LCLAT1: variants seen among roughly 807,000 people sequenced by gnomAD.
LCLAT1 encodes the protein 1-AGP acyltransferase 8.
Under a neutral mutation model 30.7 loss-of-function variants are expected in LCLAT1, and 11 were observed. That is an observed-to-expected ratio of 0.36 (90% CI 0.23 to 0.59). The LOEUF (loss-of-function observed/expected upper bound fraction) is 0.59. LCLAT1 is among the 20% of genes least tolerant of loss of function. The pLI, the probability that LCLAT1 is intolerant of heterozygous loss-of-function variation, is 0.77. For synonymous variants in LCLAT1, 155 were observed against 151.3 expected (o/e 1.02, Z -0.18); for missense variants, 402 against 458.6 (o/e 0.88, Z 1.13).
intron 1 of LCLAT1, among the ~76,000 whole-genome samples, chr2:30,474,356 C>T (rs191937636): frequency 3.7e-4 from 56 of 152,308 alleles, no homozygotes; most frequent in East Asian, 2.5e-3. Context: ...TGCTATAAAT[C>T]ATGCCTAGTT....
chr2:30,533,065 C>G (rs749357119), intron 2 of LCLAT1, 51 bp from the exon 3 acceptor site: 10 of 1,289,802 alleles, frequency 7.8e-6, no homozygotes, highest in Non-Finnish European at 1.1e-5. Context: ...TAAAATTTAC[C>G]TATGGAAAAT....
chr2:30,633,288 T>A (rs1668854846), intron 5 of LCLAT1, among the ~76,000 whole-genome samples: 1 of 152,216 alleles, frequency 6.6e-6, no homozygotes, highest in Non-Finnish European at 1.5e-5. Context: ...GCTACTTAAC[T>A]CAAAACTCTA....
chr2:30,488,296 C>G (rs1180037653), intron 1 of LCLAT1, among the ~76,000 whole-genome samples: 1 of 152,208 alleles, frequency 6.6e-6, no homozygotes, highest in African/African-American at 2.4e-5. Flanking sequence ...AAATTTCCAA[C>G]ACTAAAATTT....
intron 3 of LCLAT1, among the ~76,000 whole-genome samples, chr2:30,548,491 G>A (rs773463147): frequency 6.6e-6 from 1 of 152,202 alleles, no homozygotes; most frequent in African/African-American, 2.4e-5. Flanking sequence ...CCGAGTTTAT[G>A]TGAAGACCTG....
intron 1 of LCLAT1, among the ~76,000 whole-genome samples, chr2:30,452,649 T>C (rs1681615898): frequency 6.6e-6 from 1 of 152,236 alleles, no homozygotes; most frequent in Non-Finnish European, 1.5e-5. Flanking sequence ...CAGGTCTCTT[T>C]TTCATCATTA....
intron 2 of LCLAT1, among the ~76,000 whole-genome samples, chr2:30,528,019 C>T (rs1042026796): frequency 2.6e-5 from 4 of 152,154 alleles, no homozygotes; most frequent in Non-Finnish European, 4.4e-5. Flanking sequence ...GCTTGGCCTC[C>T]AGCCTGGTAT....
chr2:30,484,305 T>C (rs996835611), intron 1 of LCLAT1, among the ~76,000 whole-genome samples: 1 of 152,208 alleles, frequency 6.6e-6, no homozygotes, highest in African/African-American at 2.4e-5. Context: ...AAAGGAGTTC[T>C]AAAAATATTA....
chr2:30,604,935 A>G (rs1010430304), intron 5 of LCLAT1, among the ~76,000 whole-genome samples: 2 of 152,206 alleles, frequency 1.3e-5, no homozygotes, highest in African/African-American at 4.8e-5. Context: ...AGGCTGCCTC[A>G]AGGCATCTGT....
intron 1 of LCLAT1, among the ~76,000 whole-genome samples, chr2:30,519,924 T>G (rs1270042281): frequency 6.6e-6 from 1 of 152,150 alleles, no homozygotes; most frequent in Non-Finnish European, 1.5e-5. Context: ...GCCATTGACT[T>G]TCACCCCTCT....
At chr2:30,499,542 C>T (rs1053050822) in intron 1 of LCLAT1, among the ~76,000 whole-genome samples, 3 of 152,092 alleles carry the variant, frequency 2.0e-5, no homozygotes, top group Admixed American at 6.5e-5. Context: ...TAAAGAGTTT[C>T]GTGGTCCAGA....
chr2:30,532,470 A>G (rs1284666914), intron 2 of LCLAT1, among the ~76,000 whole-genome samples: 1 of 150,160 alleles, frequency 6.7e-6, no homozygotes, highest in African/African-American at 2.4e-5. Flanking sequence ...TCAAGAACTC[A>G]TAAGTCTATA....
intron 3 of LCLAT1, among the ~76,000 whole-genome samples, chr2:30,550,451 T>C (rs778772212): frequency 6.6e-6 from 1 of 152,206 alleles, no homozygotes; most frequent in Non-Finnish European, 1.5e-5. Context: ...TGATAGTCTT[T>C]TCTTGCTTTT....
chr2:30,594,078 T>G (rs2148481613), intron 5 of LCLAT1, among the ~76,000 whole-genome samples: 1 of 152,292 alleles, frequency 6.6e-6, no homozygotes, highest in Non-Finnish European at 1.5e-5. Context: ...AGTTTCACAC[T>G]TGTTTTTAGG....
At chr2:30,551,125 C>T (rs879786375) in intron 3 of LCLAT1, among the ~76,000 whole-genome samples, 2 of 152,116 alleles carry the variant, frequency 1.3e-5, no homozygotes, top group African/African-American at 2.4e-5. Context: ...ACTATAGGTA[C>T]ATGCCACCTT....
intron 5 of LCLAT1, among the ~76,000 whole-genome samples, chr2:30,585,468 C>T (rs1318212824): frequency 2.0e-5 from 3 of 152,162 alleles, no homozygotes; most frequent in African/African-American, 7.2e-5. Flanking sequence ...GGTAAGTTCA[C>T]CGTCTGCATG....
intron 5 of LCLAT1, among the ~76,000 whole-genome samples, chr2:30,608,147 C>G (rs1052118085): frequency 2.8e-4 from 43 of 151,892 alleles, no homozygotes; most frequent in Middle Eastern, 3.4e-3. Flanking sequence ...AAGTTGAAAC[C>G]TTGTCTCTTC....
chr2:30,498,042 A>T (rs1684202734), intron 1 of LCLAT1, among the ~76,000 whole-genome samples: 1 of 152,186 alleles, frequency 6.6e-6, no homozygotes. Context: ...GTCTTGTTTG[A>T]GGTGTTACCC....
At chr2:30,512,566 A>C (rs552987239) in intron 1 of LCLAT1, among the ~76,000 whole-genome samples, 1 of 152,218 alleles carries the variant, frequency 6.6e-6, no homozygotes, top group African/African-American at 2.4e-5. Flanking sequence ...TGAGTTTACT[A>C]TGCCCCTCTG....
At chr2:30,469,828 C>T (rs1249570822) in intron 1 of LCLAT1, among the ~76,000 whole-genome samples, 1 of 152,112 alleles carries the variant, frequency 6.6e-6, no homozygotes, top group East Asian at 1.9e-4. Context: ...CTCCTGACCT[C>T]ATGATCCACC....
Sources: gnomAD v4.1 joint callset for allele counts (sites outside exome capture counted in the v4.1 genomes callset) on GRCh38, gnomAD v4.1.1 for gene constraint, MANE v1.5 for transcripts, NCBI Gene and HGNC (gene_info 2026-07-23, HGNC 2026-07-21) for gene names.